MYZAP: variants seen among roughly 807,000 people sequenced by gnomAD.
MYZAP encodes GRINL1A complex locus upstream.
In MYZAP, 66 loss-of-function variants were observed where a neutral mutation model predicts 69.4. That is an observed-to-expected ratio of 0.95 (90% CI 0.78 to 1.17). The LOEUF (loss-of-function observed/expected upper bound fraction) is 1.17. Ranked by LOEUF, MYZAP falls within the 50% of genes most tolerant of loss-of-function variation. The pLI is 0.00. For missense variants in MYZAP, 611 were observed against 556.2 expected (o/e 1.10, Z -0.99); for synonymous variants, 256 against 205.9 (o/e 1.24, Z -2.09).
chr15:57,640,221 CTTG>C (rs1306363289), intron 10 of MYZAP, among the ~76,000 whole-genome samples: 2 of 152,130 alleles, frequency 1.3e-5, no homozygotes, highest in Non-Finnish European at 2.9e-5. Flanking sequence ...TTTGTTTTAA[CTTG>C]TGTCAATATA....
At chr15:57,665,487 C>T (rs1165881497) in intron 11 of MYZAP, among the ~76,000 whole-genome samples, 2 of 152,360 alleles carry the variant, frequency 1.3e-5, no homozygotes, top group East Asian at 3.9e-4. Context: ...CTGTGCTCCT[C>T]TTAGCCACAG....
At chr15:57,604,964 T>C (rs764433939) in intron 2 of MYZAP, among the ~76,000 whole-genome samples, 2 of 152,178 alleles carry the variant, frequency 1.3e-5, no homozygotes, top group Non-Finnish European at 2.9e-5. Context: ...GGTGTTAAGA[T>C]CCAGCCCTAT....
intron 12 of MYZAP, among the ~76,000 whole-genome samples, chr15:57,679,187 G>A (rs1251205750): frequency 6.6e-6 from 1 of 152,040 alleles, no homozygotes; most frequent in African/African-American, 2.4e-5. Flanking sequence ...AAAAAAAAAT[G>A]CATTTAGTTG....
chr15:57,635,403 C>T (rs545209596), intron 8 of MYZAP, among the ~76,000 whole-genome samples: 2 of 152,290 alleles, frequency 1.3e-5, no homozygotes, highest in African/African-American at 4.8e-5. Flanking sequence ...CCATTTTATG[C>T]TTATCTTCAT....
At chr15:57,618,618 A>G (rs894237119) in intron 3 of MYZAP, among the ~76,000 whole-genome samples, 2 of 152,350 alleles carry the variant, frequency 1.3e-5, no homozygotes, top group African/African-American at 4.8e-5. Flanking sequence ...AACCAAGCCA[A>G]TCAATGCCAT....
At chr15:57,625,921 G>C in intron 5 of MYZAP, 29 bp downstream of exon 5, 2 of 1,599,806 alleles carry the variant, frequency 1.3e-6, no homozygotes, top group Non-Finnish European at 1.7e-6. Context: ...CTATGACAGG[G>C]CAACCCAGCT....
At chr15:57,629,274 C>T (rs1047490147) in intron 5 of MYZAP, among the ~76,000 whole-genome samples, 1 of 152,002 alleles carries the variant, frequency 6.6e-6, no homozygotes. Flanking sequence ...TGGTCTTTTT[C>T]CCCCCAGTGC....
At chr15:57,667,170 G>A (rs1171407001) in intron 11 of MYZAP, among the ~76,000 whole-genome samples, 2 of 152,058 alleles carry the variant, frequency 1.3e-5, no homozygotes, top group African/African-American at 4.8e-5. Flanking sequence ...GCATTCTTGC[G>A]ACTATTATTA....
chr15:57,595,548 G>T (rs1473350702), intron 1 of MYZAP, among the ~76,000 whole-genome samples: 1 of 146,618 alleles, frequency 6.8e-6, no homozygotes, highest in Non-Finnish European at 1.5e-5. Context: ...GAAGGCATGT[G>T]TTGCTTTATG....
Position 57,639,539 on chromosome 15 carries a change from C to G in MYZAP, c.1113C>G (p.Val371=). The change falls in exon 10 of 13, where the codon GTC becomes GTG. Residue 371 remains valine (V), a synonymous_variant. Transcript: ENST00000267853. ...HCQQKKVKQM[V]EEIESLKKKL... ...AGCAGAAGAAAGTCAAGCAGATGGT[C>G]GAGGAGGTAAGCATCTGCAAAAGGT... 6.2e-7 allele frequency: 1 copy of G among 1,613,474 alleles called. No homozygotes were observed. The highest frequency in any genetic ancestry group is 8.5e-7 in the Non-Finnish European group (1 of 1,179,820).
chr15:57,606,345 A>G (rs1200408233), intron 2 of MYZAP, among the ~76,000 whole-genome samples: 1 of 152,222 alleles, frequency 6.6e-6, no homozygotes, highest in Non-Finnish European at 1.5e-5. Context: ...ATCTAATAAT[A>G]AGGAAACAGA....
chr15:57,643,777 A>G (rs780878006), intron 10 of MYZAP, among the ~76,000 whole-genome samples: 3 of 148,796 alleles, frequency 2.0e-5, no homozygotes, highest in Non-Finnish European at 3.0e-5. Flanking sequence ...CAGTGCAGCC[A>G]TTAGGCATCC....
intron 10 of MYZAP, among the ~76,000 whole-genome samples, chr15:57,653,565 T>C (rs1408306980): frequency 2.0e-5 from 3 of 152,314 alleles, no homozygotes; most frequent in South Asian, 4.1e-4. Flanking sequence ...AATGTGACCA[T>C]CAGTTTTGTT....
At chr15:57,633,486 C>A in intron 7 of MYZAP, 127 bp from the exon 8 acceptor site, 1 of 1,327,040 alleles carries the variant, frequency 7.5e-7, no homozygotes, top group Non-Finnish European at 9.9e-7. Flanking sequence ...ATCTGTGAGA[C>A]ACTTTCAGGT....
At chr15:57,651,909 A>C (rs1183753455) in intron 10 of MYZAP, among the ~76,000 whole-genome samples, 1 of 152,178 alleles carries the variant, frequency 6.6e-6, no homozygotes, top group Non-Finnish European at 1.5e-5. Context: ...CTCCTTCTGG[A>C]GAAGTTGGGT....
intron 12 of MYZAP, among the ~76,000 whole-genome samples, chr15:57,682,236 G>A (rs1398295964): frequency 6.6e-6 from 1 of 152,012 alleles, no homozygotes; most frequent in African/African-American, 2.4e-5. Context: ...TAAAAGGGAA[G>A]AGAGAGAGAG....
chr15:57,681,877 T>C (rs1302931049), intron 12 of MYZAP, among the ~76,000 whole-genome samples: 1 of 152,120 alleles, frequency 6.6e-6, no homozygotes, highest in Admixed American at 6.5e-5. Flanking sequence ...GAGAATCTCC[T>C]GGGGGAGACA....
chr15:57,611,774 G>C (rs1015493755), intron 2 of MYZAP, among the ~76,000 whole-genome samples: 1 of 152,066 alleles, frequency 6.6e-6, no homozygotes, highest in Non-Finnish European at 1.5e-5. Context: ...TGTCATCCAG[G>C]CTGGAAAGCA....
intron 10 of MYZAP, among the ~76,000 whole-genome samples, chr15:57,641,829 G>C (rs1007221413): frequency 4.6e-5 from 7 of 152,128 alleles, no homozygotes; most frequent in African/African-American, 7.2e-5. Context: ...TTAGAAACAT[G>C]GTCAAGGGGC....
Sources: gnomAD v4.1 joint callset for allele counts (sites outside exome capture counted in the v4.1 genomes callset) on GRCh38, gnomAD v4.1.1 for gene constraint, MANE v1.5 for transcripts, NCBI Gene and HGNC (gene_info 2026-07-23, HGNC 2026-07-21) for gene names.